The following DHX32 variants were observed in gnomAD, a reference collection of about 807,000 sequenced individuals.
DHX32 encodes putative pre-mRNA-splicing factor ATP-dependent RNA helicase DHX32.
Under a neutral mutation model 70.0 loss-of-function variants are expected in DHX32, and 51 were observed. The ratio of observed to expected loss-of-function variants is 0.73; its 90% CI spans 0.58 to 0.92. The LOEUF is 0.92. Ranked by LOEUF, DHX32 falls within the 40% of genes least tolerant of loss-of-function variation. The pLI, the probability that DHX32 is intolerant of heterozygous loss-of-function variation, is 0.00. For synonymous variants in DHX32, 310 were observed against 315.3 expected (o/e 0.98, Z 0.18); for missense variants, 762 against 891.8 (o/e 0.85, Z 1.85).
At chr10:125,836,876 G>T in intron 10 of DHX32, 21 bp from the exon 11 acceptor site, 1 of 1,611,052 alleles carries the variant, frequency 6.2e-7, no homozygotes, top group Non-Finnish European at 8.5e-7. Flanking sequence ...AAGACAAAAA[G>T]ATGAGATTAT....
chr10:125,864,929 CAAAAAAAAAAAAAAAAAAAA>C (rs61570718), intron 2 of DHX32, among the ~76,000 whole-genome samples: 20 of 54,222 alleles, frequency 3.7e-4, no homozygotes, highest in Admixed American at 1.1e-3. Context: ...GACTCTGTCT[CAAAAAAAAAAAAAAAAAAAA>C]AAAAAAAAAA....
intron 1 of DHX32, among the ~76,000 whole-genome samples, chr10:125,875,109 C>T (rs1944276792): frequency 1.3e-5 from 2 of 152,078 alleles, no homozygotes; most frequent in South Asian, 4.1e-4. Flanking sequence ...GTCCCAGCTA[C>T]TCTAAAGGCT....
At chr10:125,854,265 T>C (rs1944127272) in intron 3 of DHX32, 62 bp from the exon 4 acceptor site, 1 of 1,481,104 alleles carries the variant, frequency 6.8e-7, no homozygotes, top group Non-Finnish European at 8.9e-7. Flanking sequence ...ATTAAAAAAA[T>C]GTCTGAATTA....
At chr10:125,877,236 C>G (rs1210600334) in intron 1 of DHX32, among the ~76,000 whole-genome samples, 2 of 152,156 alleles carry the variant, frequency 1.3e-5, no homozygotes, top group Non-Finnish European at 2.9e-5. Context: ...TCAGTCAGTT[C>G]TCATCGTTAG....
At chr10:125,839,406 C>T (rs1015015936) in intron 8 of DHX32, among the ~76,000 whole-genome samples, 2 of 152,252 alleles carry the variant, frequency 1.3e-5, no homozygotes, top group Admixed American at 1.3e-4. Flanking sequence ...CCACCGACAG[C>T]ACCCATGCCA....
In DHX32 at chr10:125,838,999, A is replaced by C; in HGVS notation, c.1881+2T>G. On this transcript the variant is annotated splice_donor_variant, in intron 9 of 10. Coordinates refer to ENST00000284690, the MANE Select transcript of DHX32 (RefSeq NM_018180.3). LOFTEE classifies it high-confidence loss of function. ...TGCTGAGGTGACCCCACCCCTTCTCACCTGCATAAAGTAACCGGACAGAAG... is the reference window on the plus strand; with the variant it reads ...TGCTGAGGTGACCCCACCCCTTCTCCCCTGCATAAAGTAACCGGACAGAAG... 1 of 1,613,342 alleles carries C rather than the reference A, an allele frequency of 6.2e-7. No individual in the cohort carries two copies. The highest frequency in any genetic ancestry group is 8.5e-7 in the Non-Finnish European group (1 of 1,179,542).
rs374157987 is a variant in DHX32 at position 125,839,119 on chromosome 10, C to A, written c.1763G>T (p.Arg588Leu). The A allele has an allele frequency of 1.8e-5, 29 of 1,614,068 alleles. No individual in the cohort carries two copies. The highest frequency in any genetic ancestry group is 1.2e-4 in the South Asian group (11 of 91,088). Reference protein sequence around the residue: ...CSALRMADVIRAELLEIIKRI... With the variant: ...CSALRMADVILAELLEIIKRI... ...CTTGATAATTTCTAAGAGTTCAGCT[C>A]GAATAACATCTGCCATTCTGAGTGC... is the stretch of plus-strand genomic sequence containing the variant. Residue 588 changes from arginine (R) to leucine (L), a missense_variant, in exon 9 of 11, where the codon CGA (arginine) becomes CTA (leucine). By Grantham distance (102) the Arg-to-Leu change is moderately radical. Around this residue, in one of 3 missense-constraint regions of DHX32, gnomAD observed 366 missense variants for 402.6 expected, o/e 0.91. Transcript: ENST00000284690.
intron 6 of DHX32, among the ~76,000 whole-genome samples, chr10:125,844,159 A>G (rs1854951168): frequency 6.6e-6 from 1 of 152,214 alleles, no homozygotes; most frequent in African/African-American, 2.4e-5. Flanking sequence ...CAAGAGTTCT[A>G]TCAGTGAGGC....
At chr10:125,892,164 C>T (rs1430319628) in intron 1 of DHX32, among the ~76,000 whole-genome samples, 3 of 152,220 alleles carry the variant, frequency 2.0e-5, no homozygotes, top group African/African-American at 7.2e-5. Flanking sequence ...GTCTATCACC[C>T]CACTGTCATC....
Position 125,858,908 on chromosome 10 carries a change from ACC to A in DHX32, c.849+693_849+694del, listed in dbSNP as rs564708364. ...AGCTGCAATTTAAAAAAAAAATGCA[ACC>A]CCAAATGGTACCTTGGCTGTCTAAA... On this transcript the variant is annotated intron_variant, in intron 3 of 10. Coordinates refer to ENST00000284690, the MANE Select transcript of DHX32 (RefSeq NM_018180.3). Among the ~76,000 whole-genome samples the A allele has an allele frequency of 1.7e-4, 26 of 152,062 alleles. No individual in the cohort carries two copies. In the South Asian group the frequency reaches 5.4e-3, roughly 32 times the overall value.
rs751987538 is a variant in DHX32, at chr10:125,841,757, G to A, written c.1529C>T (p.Ala510Val). 3 of 1,609,776 alleles carry A rather than the reference G, an allele frequency of 1.9e-6. No individual in the cohort carries two copies. Among genetic ancestry groups the A allele is most frequent in the East Asian group, 4.5e-5 (2 of 44,796 alleles). The change falls in exon 7 of 11, where the codon GCA (alanine) becomes GTA (valine). Residue 510 changes from alanine (A) to valine (V), a missense_variant. Transcript: ENST00000284690. ...FDCVDEVLTI[A>V]AMVTAPNCFS... Reference sequence around the variant, plus strand: ...ATTAAGGATACCTGTTACCATGGCTGCGATTGTTAGCACTTCATCTACACA... The same window carrying A: ...ATTAAGGATACCTGTTACCATGGCTACGATTGTTAGCACTTCATCTACACA...
At chr10:125,859,008 A>G (rs1053344482) in intron 3 of DHX32, among the ~76,000 whole-genome samples, 4 of 150,642 alleles carry the variant, frequency 2.7e-5, no homozygotes, top group African/African-American at 9.8e-5. Context: ...TTTTAAAGAA[A>G]TCTGAGTTAA....
upstream of DHX32, among the ~76,000 whole-genome samples, chr10:125,881,670 G>A (rs1944318404): frequency 6.6e-6 from 1 of 152,150 alleles, no homozygotes. Flanking sequence ...AAAAAAGACA[G>A]GGTCTCGCTC....
At position 125,839,162 on chromosome 10, in the gene DHX32, A is replaced by T. The variant is rs769322239; in HGVS notation, c.1720T>A (p.Tyr574Asn). 4.3e-6 allele frequency: 7 copies of T among 1,614,238 alleles called. No individual in the cohort carries two copies. Among genetic ancestry groups the T allele is most frequent in the Non-Finnish European group, 5.9e-6 (7 of 1,180,024 alleles). ...EYCVEKWCRD[Y>N]FLNCSALRMA... ...CTGAGTGCTGAACAGTTGAGGAAGT[A>T]ATCACGACACCACTTTTCCACACAG... is the stretch of plus-strand genomic sequence containing the variant. Residue 574 changes from tyrosine (Y) to asparagine (N), a missense_variant, in exon 9 of 11, where the codon TAC (tyrosine) becomes AAC (asparagine). Tyr to Asn is a moderately radical substitution (Grantham distance 143). This residue lies in a region of DHX32 where 366 missense variants were observed against 402.6 expected (regional missense o/e 0.91). Transcript: ENST00000284690.
At chr10:125,873,005 G>A (rs572997983) in intron 1 of DHX32, among the ~76,000 whole-genome samples, 3 of 152,314 alleles carry the variant, frequency 2.0e-5, no homozygotes, top group South Asian at 2.1e-4. Context: ...TCCCAACTCC[G>A]GGCAGCACAC....
At chr10:125,895,391 C>A (rs1374126155) in intron 1 of DHX32, among the ~76,000 whole-genome samples, 1 of 152,238 alleles carries the variant, frequency 6.6e-6, no homozygotes, top group Non-Finnish European at 1.5e-5. Context: ...ATCTCCAGAC[C>A]TGAATACCAA....
Position 125,881,005 on chromosome 10 carries a change from G to T in DHX32, c.-181C>A. ...AAACCTGCATCTGTTCTCCGTTGCT[G>T]TGTTACCCACTGTGCTGGCTCACTA... On this transcript the variant is annotated 5_prime_UTR_variant, in exon 1 of 11. Transcript: ENST00000284690. 1.5e-6 allele frequency: 1 copy of T among 686,488 alleles called. No individual in the cohort carries two copies. Among genetic ancestry groups the T allele is most frequent in the Non-Finnish European group, 2.4e-6 (1 of 422,370 alleles). The allele number at this position is 686,488 out of a possible 1,614,324, so 42.5% of individuals were successfully genotyped here.
chr10:125,852,185 T>C, intron 6 of DHX32, 108 bp downstream of exon 6: 3 of 1,374,114 alleles, frequency 2.2e-6, no homozygotes. Context: ...CAACGCCCCC[T>C]CCATGCTTGT....
At position 125,859,907 on chromosome 10, in the gene DHX32, A is replaced by T. The variant is rs1944175030; in HGVS notation, c.545T>A (p.Ile182Asn). 6.2e-7 allele frequency: 1 copy of T among 1,613,948 alleles called. No homozygotes were observed. The highest frequency in any genetic ancestry group is 2.2e-5 in the East Asian group (1 of 44,870). The change falls in exon 3 of 11, where the codon ATC becomes AAC. Residue 182 changes from isoleucine to asparagine, a missense_variant. By Grantham distance (149) the Ile-to-Asn change is moderately radical. Around this residue, in one of 3 missense-constraint regions of DHX32, gnomAD observed 394 missense variants for 473.1 expected, o/e 0.83. Transcript: ENST00000284690. The part of the protein sequence containing the change: ...SNPFLGSYGV[I>N]ILDDIHERSI... ...TCTTTCATGAATATCATCTAAGATG[A>T]TGACCCCATAGCTACCCAAAAAAGG...
Sources: allele counts gnomAD v4.1 joint callset (sites outside exome capture counted in the v4.1 genomes callset), GRCh38; gene constraint gnomAD v4.1.1; regional missense constraint gnomAD v4.1.1; transcripts MANE v1.5; gene names NCBI Gene and HGNC (gene_info 2026-07-23, HGNC 2026-07-21).